Variants in FTO observed in about 807,000 individuals in gnomAD.
FTO encodes the protein FTO alpha-ketoglutarate dependent dioxygenase.
FTO carries 47 observed loss-of-function variants against 63.9 expected under a neutral mutation model. The observed-to-expected ratio is 0.74, with a 90% CI of 0.58 to 0.94. The LOEUF is 0.94. FTO is among the 40% of genes least tolerant of loss of function. The pLI, the probability that FTO is intolerant of heterozygous loss-of-function variation, is 0.00. For synonymous variants in FTO, 207 were observed against 224.4 expected (o/e 0.92, Z 0.69); for missense variants, 562 against 618.1 (o/e 0.91, Z 0.96).
chr16:53,965,236 GC>G (rs1198212894), intron 8 of FTO, among the ~76,000 whole-genome samples: 1 of 152,080 alleles, frequency 6.6e-6, no homozygotes, highest in African/African-American at 2.4e-5. Context: ...ACCACGCCTG[GC>G]TTGTTTTTTT....
intron 1 of FTO, among the ~76,000 whole-genome samples, chr16:53,765,946 G>A (rs2077190692): frequency 6.6e-6 from 1 of 152,140 alleles, no homozygotes. Flanking sequence ...TGTGTGGAGT[G>A]ACTTACTCTG....
intron 8 of FTO, among the ~76,000 whole-genome samples, chr16:53,982,135 G>T (rs1321679235): frequency 6.6e-6 from 1 of 151,660 alleles, no homozygotes; most frequent in Admixed American, 6.6e-5. Flanking sequence ...TCCATCCTAA[G>T]CCTTAGAGAA....
chr16:54,077,650 C>A (rs1347844668), intron 8 of FTO, among the ~76,000 whole-genome samples: 1 of 152,092 alleles, frequency 6.6e-6, no homozygotes, highest in Non-Finnish European at 1.5e-5. Context: ...TTCCTGAGTC[C>A]CCTCAGTCAG....
chr16:53,957,193 C>G (rs1430518293), intron 8 of FTO, among the ~76,000 whole-genome samples: 1 of 152,132 alleles, frequency 6.6e-6, no homozygotes, highest in Non-Finnish European at 1.5e-5. Context: ...TAAACAGATG[C>G]AAGCATTGTT....
At chr16:53,756,332 T>A (rs963623388) in intron 1 of FTO, among the ~76,000 whole-genome samples, 15 of 152,198 alleles carry the variant, frequency 9.9e-5, no homozygotes, top group Admixed American at 2.6e-4. Context: ...CAGCTTCTTT[T>A]CTTAGATTAT....
intron 8 of FTO, among the ~76,000 whole-genome samples, chr16:54,033,730 T>G (rs1323609078): frequency 2.0e-5 from 3 of 152,078 alleles, no homozygotes; most frequent in African/African-American, 7.2e-5. Flanking sequence ...GGTAGGAGTA[T>G]TGCTTAAGCC....
intron 1 of FTO, among the ~76,000 whole-genome samples, chr16:53,719,635 T>G (rs2151484652): frequency 7.7e-6 from 1 of 129,112 alleles, no homozygotes; most frequent in South Asian, 2.4e-4. Context: ...GTAGTCTGTT[T>G]TTTTTTTTTT....
chr16:53,826,774 G>A (rs1275338061), intron 3 of FTO, among the ~76,000 whole-genome samples: 1 of 152,100 alleles, frequency 6.6e-6, no homozygotes, highest in East Asian at 1.9e-4. Flanking sequence ...TCTCTCTTGT[G>A]CCCAGGAGAG....
rs375228595 is a variant in FTO, at chr16:54,114,322, C to A, written c.*2407C>A. The A allele has an allele frequency of 6.6e-6, 1 of 152,140 alleles. No homozygotes were observed. Among genetic ancestry groups the A allele is most frequent in the Non-Finnish European group, 1.5e-5 (1 of 68,036 alleles). 9.4% of individuals were successfully genotyped at this position (152,140 alleles called of 1,614,324 possible). ...TGCTCTCCAAACCTGCTTGCTTGCA[C>A]CCCTCTAGTCGAAATATTTTGTGCT... On this transcript the variant is annotated 3_prime_UTR_variant, in exon 9 of 9. Coordinates refer to ENST00000471389, the MANE Select transcript of FTO (RefSeq NM_001080432.3).
intron 7 of FTO, among the ~76,000 whole-genome samples, chr16:53,903,124 TAAAAAC>T (rs1041988740): frequency 6.6e-6 from 1 of 152,014 alleles, no homozygotes; most frequent in Non-Finnish European, 1.5e-5. Context: ...AAAATAAAAA[TAAAAAC>T]AAAGTTATAA....
intron 8 of FTO, among the ~76,000 whole-genome samples, chr16:54,080,135 C>G (rs1323930645): frequency 5.9e-5 from 9 of 152,022 alleles, no homozygotes; most frequent in African/African-American, 2.2e-4. Context: ...GTCTGTAATC[C>G]CAGCACTTTG....
chr16:53,945,491 A>C, intron 8 of FTO, among the ~76,000 whole-genome samples: 1 of 152,204 alleles, frequency 6.6e-6, no homozygotes, highest in East Asian at 1.9e-4. Context: ...GATACGATTC[A>C]CTTAGTATTT....
At chr16:54,092,198 A>G (rs1351595840) in intron 8 of FTO, among the ~76,000 whole-genome samples, 2 of 152,198 alleles carry the variant, frequency 1.3e-5, no homozygotes, top group Non-Finnish European at 2.9e-5. Context: ...TGGGATGATC[A>G]CTTGAGCCTG....
At chr16:53,813,676 A>G (rs2078595467) in intron 2 of FTO, among the ~76,000 whole-genome samples, 1 of 152,218 alleles carries the variant, frequency 6.6e-6, no homozygotes, top group Non-Finnish European at 1.5e-5. Context: ...AGGAATGCCA[A>G]TCCAGCTGCC....
At chr16:53,804,704 C>T (rs1318132848) in intron 1 of FTO, among the ~76,000 whole-genome samples, 3 of 147,748 alleles carry the variant, frequency 2.0e-5, no homozygotes, top group Non-Finnish European at 4.4e-5. Context: ...CAACCTCCAT[C>T]TGCCAGGTTC....
intron 1 of FTO, among the ~76,000 whole-genome samples, chr16:53,716,225 G>A (rs12445162): frequency 0.055 from 8,391 of 152,180 alleles, 355 homozygotes; most frequent in East Asian, 0.24. Context: ...TACCACCCTA[G>A]GGGGATAGTC....
chr16:53,730,789 G>A (rs1269902327), intron 1 of FTO, among the ~76,000 whole-genome samples: 2 of 152,068 alleles, frequency 1.3e-5, no homozygotes, highest in East Asian at 3.9e-4. Flanking sequence ...GAGCCACCGA[G>A]CCCAGCCTAT....
rs201466171 is a variant in FTO, at chr16:54,044,984, C to T, written c.1365-66778C>T. 1.2e-3 allele frequency among the ~76,000 whole-genome samples: 132 copies of T among 106,224 alleles called. 21 individuals carry two copies. Among genetic ancestry groups the T allele is most frequent in the African/African-American group, 8.0e-3 (121 of 15,036 alleles). The allele number at this position is 106,224 out of a possible 152,430, so 69.7% of individuals were successfully genotyped here. A position where few individuals can be genotyped will look rare whatever the true frequency, so the allele number is the denominator to read the frequency against. ...GTGTGTAGAGGGAAATTTATAGCAC[C>T]AAATGCCTACAGGAGAAAGCAGGAA... On this transcript the variant is annotated intron_variant, in intron 8 of 8. Coordinates refer to ENST00000471389, the MANE Select transcript of FTO (RefSeq NM_001080432.3).
intron 3 of FTO, among the ~76,000 whole-genome samples, chr16:53,841,406 A>T (rs371591072): frequency 3.9e-5 from 6 of 152,306 alleles, no homozygotes; most frequent in African/African-American, 1.2e-4. Context: ...ACTGGAGAAA[A>T]CATGTATTAG....
Sources: allele counts gnomAD v4.1 joint callset (sites outside exome capture counted in the v4.1 genomes callset), GRCh38; gene constraint gnomAD v4.1.1; transcripts MANE v1.5; gene names NCBI Gene and HGNC (gene_info 2026-07-23, HGNC 2026-07-21).